Variants in CSMD2 observed in about 807,000 individuals in gnomAD.
CSMD2 encodes CUB and sushi domain-containing protein 2.
CSMD2 carries 130 observed loss-of-function variants against 398.5 expected under a neutral mutation model. The ratio of observed to expected loss-of-function variants is 0.33; its 90% CI spans 0.28 to 0.38. The LOEUF (loss-of-function observed/expected upper bound fraction) is 0.38. Ranked by LOEUF, CSMD2 falls within the 10% of genes least tolerant of loss-of-function variation. CSMD2 has a pLI of 1.00. For missense variants in CSMD2, 3,829 were observed against 4,764.9 expected (o/e 0.80, Z 5.78); for synonymous variants, 1,828 against 1,908.5 (o/e 0.96, Z 1.10).
intron 5 of CSMD2, among the ~76,000 whole-genome samples, chr1:33,909,743 A>T (rs138242886): frequency 6.6e-6 from 1 of 152,268 alleles, no homozygotes; most frequent in African/African-American, 2.4e-5. Context: ...AGGGTATTGA[A>T]CACCAAGCTT....
chr1:33,753,932 C>T (rs1181782555), intron 13 of CSMD2, among the ~76,000 whole-genome samples: 1 of 152,200 alleles, frequency 6.6e-6, no homozygotes, highest in Non-Finnish European at 1.5e-5. Context: ...GTCTGCACAC[C>T]ATTGTATCTG....
rs780642257 is a variant in CSMD2, at chr1:33,652,495, T to C, written c.4448-34A>G. ...AGAAGAAGACGAGGGTGAGGCTGCC[T>C]CTTCACCCTGGGCTCATTTTCATGG... On this transcript the variant is annotated intron_variant, in intron 27 of 70. Coordinates refer to ENST00000373381, the MANE Select transcript of CSMD2 (RefSeq NM_001281956.2). 2.5e-6 allele frequency: 4 copies of C among 1,609,038 alleles called. 1 individual carries two copies. In the South Asian group the frequency reaches 4.4e-5, roughly 18 times the overall value.
At chr1:33,550,503 C>T (rs1306463864) in intron 55 of CSMD2, among the ~76,000 whole-genome samples, 153 bp from the exon 56 acceptor site, 2 of 152,234 alleles carry the variant, frequency 1.3e-5, no homozygotes, top group East Asian at 1.9e-4. Flanking sequence ...GCCCACCTGG[C>T]GTTGGCAGAC....
intron 12 of CSMD2, among the ~76,000 whole-genome samples, chr1:33,773,112 C>T (rs1010059297): frequency 4.6e-5 from 7 of 152,170 alleles, no homozygotes; most frequent in African/African-American, 1.7e-4. Flanking sequence ...TTACCTGTCC[C>T]AGGAGCAACA....
chr1:33,550,055 A>AT, intron 56 of CSMD2, 122 bp downstream of exon 56: 1 of 958,864 alleles, frequency 1.0e-6, no homozygotes, highest in Non-Finnish European at 1.6e-6. Flanking sequence ...TAGGGTAGAT[A>AT]TAAGGGTTCT....
chr1:33,884,523 C>T (rs957410145), intron 5 of CSMD2: 1 of 152,138 alleles, frequency 6.6e-6, no homozygotes, highest in African/African-American at 2.4e-5. Context: ...GTCTGTTAAA[C>T]CTCTCCCTCC....
At chr1:33,614,835 A>G (rs1641282519) in intron 39 of CSMD2, among the ~76,000 whole-genome samples, 1 of 152,222 alleles carries the variant, frequency 6.6e-6, no homozygotes, top group Non-Finnish European at 1.5e-5. Context: ...GGACAGCCTA[A>G]AAGTCCACAA....
intron 27 of CSMD2, among the ~76,000 whole-genome samples, chr1:33,653,899 A>C: frequency 6.6e-6 from 1 of 152,170 alleles, no homozygotes; most frequent in East Asian, 1.9e-4. Flanking sequence ...GGGGAGCAAA[A>C]GGGTATACCT....
chr1:34,112,302 C>A (rs1242860772), intron 1 of CSMD2, among the ~76,000 whole-genome samples: 3 of 152,174 alleles, frequency 2.0e-5, no homozygotes, highest in Admixed American at 6.5e-5. Context: ...ATGGCCATTT[C>A]CCCAGATGCC....
At chr1:33,694,619 T>C (rs1645355729) in intron 24 of CSMD2, among the ~76,000 whole-genome samples, 1 of 152,190 alleles carries the variant, frequency 6.6e-6, no homozygotes, top group Admixed American at 6.5e-5. Flanking sequence ...CCGCCATGAT[T>C]GTATGTTTCC....
At chr1:33,727,017 AGG>A (rs1196666237) in intron 15 of CSMD2, among the ~76,000 whole-genome samples, 1 of 152,196 alleles carries the variant, frequency 6.6e-6, no homozygotes, top group Non-Finnish European at 1.5e-5. Flanking sequence ...GGCCTGAGGC[AGG>A]GGCATAGACC....
intron 21 of CSMD2, among the ~76,000 whole-genome samples, chr1:33,714,099 A>C (rs1326904887): frequency 6.6e-6 from 1 of 152,184 alleles, no homozygotes; most frequent in Middle Eastern, 3.2e-3. Context: ...TGAATGGATG[A>C]AGCCTTCCTA....
chr1:34,145,776 C>T (rs1639713446), intron 1 of CSMD2, among the ~76,000 whole-genome samples: 1 of 152,138 alleles, frequency 6.6e-6, no homozygotes, highest in South Asian at 2.1e-4. Flanking sequence ...GAGAGGGGGA[C>T]CTCCTTTCTG....
At chr1:33,843,797 C>A (rs1232265660) in intron 6 of CSMD2, among the ~76,000 whole-genome samples, 1 of 152,196 alleles carries the variant, frequency 6.6e-6, no homozygotes, top group East Asian at 1.9e-4. Flanking sequence ...ATCCCCTGAT[C>A]CCCTCCTCAC....
At chr1:34,155,727 A>C (rs1640752113) in intron 1 of CSMD2, among the ~76,000 whole-genome samples, 1 of 152,186 alleles carries the variant, frequency 6.6e-6, no homozygotes, top group African/African-American at 2.4e-5. Context: ...TGGAAAGCCA[A>C]GCAGCCCGAG....
intron 10 of CSMD2, among the ~76,000 whole-genome samples, chr1:33,793,980 A>T (rs1355032524): frequency 6.6e-6 from 1 of 152,180 alleles, no homozygotes. Flanking sequence ...CAATCTGATG[A>T]TGATCCTCAT....
intron 5 of CSMD2, among the ~76,000 whole-genome samples, chr1:33,910,616 C>T (rs571438211): frequency 6.6e-6 from 1 of 152,308 alleles, no homozygotes; most frequent in South Asian, 2.1e-4. Flanking sequence ...GGGCACATGA[C>T]TCAGGCTGGT....
At position 33,810,828 on chromosome 1, in the gene CSMD2, C is replaced by A. The variant is rs935108863; in HGVS notation, c.1361G>T (p.Gly454Val). 1 of 1,612,416 alleles carries A rather than the reference C, an allele frequency of 6.2e-7. No individual in the cohort carries two copies. Among genetic ancestry groups the A allele is most frequent in the South Asian group, 1.1e-5 (1 of 90,930 alleles). Residue 454 changes from glycine to valine, a missense_variant, in exon 10 of 71, where the codon GGC becomes GTC. Around this residue, in one of 5 missense-constraint regions of CSMD2, gnomAD observed 2,001 missense variants for 2,567.1 expected, o/e 0.78. Transcript: ENST00000373381. Reference protein sequence around the residue: ...MCDAHLRGPSGIITSPNFPIQ... With the variant: ...MCDAHLRGPSVIITSPNFPIQ... Reference sequence around the variant, plus strand: ...GGGGAAATTGGGGGAGGTGATGATGCCCGAGGGGCCTCGAAGGTGGGCATC... The same window carrying A: ...GGGGAAATTGGGGGAGGTGATGATGACCGAGGGGCCTCGAAGGTGGGCATC...
At chr1:33,868,068 T>C (rs1230763878) in intron 5 of CSMD2, among the ~76,000 whole-genome samples, 1 of 151,936 alleles carries the variant, frequency 6.6e-6, no homozygotes, top group Non-Finnish European at 1.5e-5. Context: ...GTAATGACAA[T>C]GGAGAGAGAG....
Sources: gnomAD v4.1 joint callset for allele counts (sites outside exome capture counted in the v4.1 genomes callset) on GRCh38, gnomAD v4.1.1 for gene constraint, gnomAD v4.1.1 regional missense constraint, MANE v1.5 for transcripts, NCBI Gene and HGNC (gene_info 2026-07-23, HGNC 2026-07-21) for gene names.